Variants in SNX8 observed in about 807,000 individuals in gnomAD.
The protein encoded by SNX8 is sorting nexin-8.
In SNX8, 25 loss-of-function variants were observed where a neutral mutation model predicts 51.6. The observed-to-expected ratio is 0.48, with a 90% CI of 0.35 to 0.68. SNX8 has a LOEUF of 0.68. Among genes scored for constraint, SNX8 ranks in the 30% least tolerant of loss-of-function variants. The pLI is 0.00. For missense variants in SNX8, 695 were observed against 624.0 expected, an observed-to-expected ratio of 1.11 and a Z score of -1.21; for synonymous variants, 324 against 277.0, an observed-to-expected ratio of 1.17 and a Z score of -1.68.
chr7:2,277,668 G>A (rs546543605), intron 2 of SNX8, among the ~76,000 whole-genome samples: 4 of 152,068 alleles, frequency 2.6e-5, no homozygotes, highest in South Asian at 2.1e-4. Flanking sequence ...TTTGCCAGGC[G>A]TGGTGGCGGG....
chr7:2,264,473 G>A lies in SNX8; in HGVS notation c.622-15C>T, dbSNP rs369066340. 1 of 1,605,960 alleles carries A rather than the reference G, an allele frequency of 6.2e-7. No homozygotes were observed. Among genetic ancestry groups the A allele is most frequent in the African/African-American group, 1.3e-5 (1 of 74,882 alleles). On this transcript the variant is annotated splice_polypyrimidine_tract_variant and intron_variant, in intron 5 of 10. Transcript: ENST00000222990. Reference sequence around the variant, plus strand: ...GGGAGGAAGTCCTGACATCATGATGGGGGGAGAGACACTGTGTTAGTCGCT... The same window carrying A: ...GGGAGGAAGTCCTGACATCATGATGAGGGGAGAGACACTGTGTTAGTCGCT...
chr7:2,285,155 T>C (rs1330334436), intron 1 of SNX8, among the ~76,000 whole-genome samples: 8 of 143,358 alleles, frequency 5.6e-5, no homozygotes, highest in African/African-American at 1.8e-4. Context: ...GAAGTTGCAG[T>C]GAGCCGAGAT....
At chr7:2,352,319 A>G (rs1213673425) in intron 1 of SNX8, among the ~76,000 whole-genome samples, 1 of 152,084 alleles carries the variant, frequency 6.6e-6, no homozygotes, top group Non-Finnish European at 1.5e-5. Flanking sequence ...CAAACACAGT[A>G]GCCCCCCCGA....
At chr7:2,330,815 C>G (rs894471079) in intron 1 of SNX8, among the ~76,000 whole-genome samples, 14 of 152,006 alleles carry the variant, frequency 9.2e-5, no homozygotes, top group Admixed American at 8.5e-4. Context: ...CCTAAAACAA[C>G]AGTGAAGCAA....
At chr7:2,264,003 C>A (rs899156746) in intron 6 of SNX8, among the ~76,000 whole-genome samples, 5 of 152,056 alleles carry the variant, frequency 3.3e-5, no homozygotes, top group Non-Finnish European at 7.4e-5. Context: ...TGTGAGCCAC[C>A]ACGCCTGGCC....
At chr7:2,318,608 T>C (rs946940592), upstream of SNX8, among the ~76,000 whole-genome samples, 3 of 150,842 alleles carry the variant, frequency 2.0e-5, no homozygotes, top group South Asian at 2.1e-4. Context: ...AGGCAGGAGA[T>C]TGCTTGAACC....
intron 1 of SNX8, among the ~76,000 whole-genome samples, chr7:2,342,306 C>G (rs941733208): frequency 3.7e-4 from 56 of 151,990 alleles, no homozygotes; most frequent in African/African-American, 1.3e-3. Context: ...GGATAAATCT[C>G]AAAAGCACTG....
At chr7:2,307,543 A>G (rs1450298418) in intron 1 of SNX8, among the ~76,000 whole-genome samples, 1 of 147,652 alleles carries the variant, frequency 6.8e-6, no homozygotes, top group Admixed American at 7.1e-5. Context: ...GAGGCAGAAG[A>G]CTCGCTTGAA....
intron 5 of SNX8, among the ~76,000 whole-genome samples, chr7:2,268,171 G>A (rs1368599279): frequency 5.1e-5 from 7 of 136,530 alleles, no homozygotes; most frequent in Non-Finnish European, 8.0e-5. Context: ...GGTGGGGGGC[G>A]TCAGCCCTCC....
rs958927897 is a variant in SNX8 at position 2,254,924 on chromosome 7, C to T, written c.*132G>A. 4 of 697,966 alleles carry T rather than the reference C, an allele frequency of 5.7e-6. No homozygotes were observed. The African/African-American group carries it at 7.0e-5, about 12-fold the overall frequency. The allele number at this position is 697,966 out of a possible 1,614,324, so 43.2% of individuals were successfully genotyped here. ...GCGCCTCCCGACCCGCAGGCGTGAG[C>T]TCCTCTGCTCCAGCTGCAGCACGGG... On this transcript the variant is annotated 3_prime_UTR_variant, in exon 11 of 11. Coordinates refer to ENST00000222990, the MANE Select transcript of SNX8 (RefSeq NM_013321.4).
At chr7:2,273,122 C>T (rs1326687423) in intron 3 of SNX8, among the ~76,000 whole-genome samples, 1 of 152,062 alleles carries the variant, frequency 6.6e-6, no homozygotes. Context: ...GCATGAGCCA[C>T]CAGCGCCCAG....
At chr7:2,339,197 C>A (rs917775013) in intron 1 of SNX8, among the ~76,000 whole-genome samples, 3 of 151,596 alleles carry the variant, frequency 2.0e-5, no homozygotes, top group African/African-American at 7.3e-5. Flanking sequence ...AGCCATTGTG[C>A]CCAGCCTTAT....
chr7:2,327,564 T>G (rs942000406), intron 1 of SNX8, among the ~76,000 whole-genome samples: 1 of 151,698 alleles, frequency 6.6e-6, no homozygotes, highest in East Asian at 2.0e-4. Flanking sequence ...CCCGCCACCA[T>G]GCCCGGCTAA....
chr7:2,255,197 C>T (rs1354135459), intron 10 of SNX8, 28 bp from the exon 11 acceptor site: 1 of 1,417,016 alleles, frequency 7.1e-7, no homozygotes, highest in Non-Finnish European at 9.6e-7. Flanking sequence ...AGAACAAGAT[C>T]AGCAGGCGGG....
intron 1 of SNX8, among the ~76,000 whole-genome samples, chr7:2,292,684 T>C (rs1048749078): frequency 2.0e-5 from 3 of 152,182 alleles, no homozygotes; most frequent in Non-Finnish European, 4.4e-5. Flanking sequence ...GTGCTGGGAT[T>C]ACAGGCGTGA....
intron 1 of SNX8, among the ~76,000 whole-genome samples, chr7:2,286,663 C>T (rs1584703695): frequency 6.6e-6 from 1 of 151,262 alleles, no homozygotes; most frequent in Non-Finnish European, 1.5e-5. Flanking sequence ...GGACTACAGG[C>T]GCCCACCACC....
intron 7 of SNX8, among the ~76,000 whole-genome samples, chr7:2,262,504 C>T (rs549499466): frequency 8.8e-5 from 13 of 147,928 alleles, no homozygotes; most frequent in Non-Finnish European, 1.8e-4. Flanking sequence ...GTGTGTGGAG[C>T]GGGAGGTGGG....
intron 1 of SNX8, among the ~76,000 whole-genome samples, chr7:2,343,477 G>A (rs917228686): frequency 6.6e-5 from 10 of 151,634 alleles, no homozygotes; most frequent in South Asian, 2.1e-4. Flanking sequence ...AGATCGAGAC[G>A]ATCCTGGCTA....
intron 1 of SNX8, among the ~76,000 whole-genome samples, chr7:2,336,105 G>GAAA (rs11430916): frequency 7.3e-6 from 1 of 137,094 alleles, no homozygotes; most frequent in Non-Finnish European, 1.6e-5. Flanking sequence ...TCCATCTCGA[G>GAAA]AAAAAAAAAA....
Sources: allele counts gnomAD v4.1 joint callset (sites outside exome capture counted in the v4.1 genomes callset), GRCh38; gene constraint gnomAD v4.1.1; transcripts MANE v1.5; gene names NCBI Gene and HGNC (gene_info 2026-07-23, HGNC 2026-07-21).